B3GALT1: variants seen among roughly 807,000 people sequenced by gnomAD.
B3GALT1 encodes beta-1,3-galactosyltransferase 1, also known as UDP-Gal:betaGlcNAc beta 1,3-galactosyltransferase, polypeptide 1.
B3GALT1 carries 10 observed loss-of-function variants against 23.2 expected under a neutral mutation model. That is an observed-to-expected ratio of 0.43 (90% CI 0.27 to 0.73). The LOEUF (loss-of-function observed/expected upper bound fraction) is 0.73. Among genes scored for constraint, B3GALT1 ranks in the 30% least tolerant of loss-of-function variants. The pLI is 0.21. For synonymous variants in B3GALT1, 156 were observed against 141.5 expected (o/e 1.10, Z -0.73); for missense variants, 299 against 405.4 (o/e 0.74, Z 2.25).
intron 2 of B3GALT1, among the ~76,000 whole-genome samples, chr2:167,501,545 AC>A (rs1412223148): frequency 6.6e-6 from 1 of 151,888 alleles, no homozygotes; most frequent in African/African-American, 2.4e-5. Context: ...CAAGATAAAA[AC>A]AATACATTTT....
At chr2:167,820,792 A>G (rs1026067753) in intron 4 of B3GALT1, among the ~76,000 whole-genome samples, 9 of 152,384 alleles carry the variant, frequency 5.9e-5, no homozygotes, top group Non-Finnish European at 1.0e-4. Context: ...AAAGATAGCC[A>G]TTATGGCTGG....
intron 2 of B3GALT1, among the ~76,000 whole-genome samples, chr2:167,610,161 G>A (rs940553174): frequency 2.0e-5 from 3 of 152,100 alleles, no homozygotes; most frequent in African/African-American, 4.8e-5. Flanking sequence ...AAGGTTAGTC[G>A]TAAGAAAGAC....
intron 2 of B3GALT1, among the ~76,000 whole-genome samples, chr2:167,594,133 G>A (rs755424991): frequency 2.0e-5 from 3 of 152,140 alleles, no homozygotes; most frequent in Non-Finnish European, 4.4e-5. Flanking sequence ...GAAGAATAGG[G>A]TGCAATATAT....
intron 3 of B3GALT1, among the ~76,000 whole-genome samples, chr2:167,775,096 T>A (rs1313465386): frequency 1.3e-5 from 2 of 152,172 alleles, no homozygotes; most frequent in African/African-American, 4.8e-5. Flanking sequence ...TTTCTAGAAC[T>A]CTATAAGAAG....
At chr2:167,402,684 G>A (rs1698212574) in intron 1 of B3GALT1, among the ~76,000 whole-genome samples, 2 of 152,102 alleles carry the variant, frequency 1.3e-5, no homozygotes, top group Admixed American at 6.6e-5. Context: ...CAACCAGTAA[G>A]CAGCAAACTT....
chr2:167,567,963 A>G (rs1330605400), intron 2 of B3GALT1, among the ~76,000 whole-genome samples: 2 of 152,106 alleles, frequency 1.3e-5, no homozygotes, highest in African/African-American at 4.8e-5. Flanking sequence ...CCAGAATGTC[A>G]TATAATTGGA....
chr2:167,626,791 ATATAG>A (rs1297093669), intron 2 of B3GALT1, among the ~76,000 whole-genome samples: 2 of 151,802 alleles, frequency 1.3e-5, no homozygotes, highest in African/African-American at 2.4e-5. Flanking sequence ...AACCAAATAC[ATATAG>A]TAAATATTCA....
At chr2:167,614,602 A>G (rs1172755766) in intron 2 of B3GALT1, among the ~76,000 whole-genome samples, 1 of 151,988 alleles carries the variant, frequency 6.6e-6, no homozygotes, top group East Asian at 1.9e-4. Flanking sequence ...AGATAAATGC[A>G]AGTAGGCTCA....
At chr2:167,687,374 G>C (rs796894755) in intron 3 of B3GALT1, among the ~76,000 whole-genome samples, 6 of 152,248 alleles carry the variant, frequency 3.9e-5, no homozygotes, top group African/African-American at 1.4e-4. Context: ...ATAAGCTAAA[G>C]GGTTTGGTAG....
At position 167,872,067 on chromosome 2, in the gene B3GALT1, A is replaced by G. The variant is rs944336790; in HGVS notation, c.*2047A>G. On this transcript the variant is annotated 3_prime_UTR_variant, in exon 5 of 5. Coordinates refer to ENST00000392690, the MANE Select transcript of B3GALT1 (RefSeq NM_020981.4). ...CAGGCGCCCGCCATCACGCCCGGCT[A>G]ATTTTTTTGTATTTTTAGTAGAGAC... 7.3e-5 allele frequency: 11 copies of G among 150,890 alleles called. No homozygotes were observed. Among genetic ancestry groups the G allele is most frequent in the Admixed American group, 5.9e-4 (9 of 15,136 alleles). 9.3% of individuals were successfully genotyped at this position (150,890 alleles called of 1,614,324 possible).
chr2:167,634,125 G>T (rs1051121694), intron 2 of B3GALT1, among the ~76,000 whole-genome samples: 4 of 152,074 alleles, frequency 2.6e-5, no homozygotes, highest in African/African-American at 9.7e-5. Flanking sequence ...AATTAAGGCA[G>T]AAATAAATAA....
intron 4 of B3GALT1, among the ~76,000 whole-genome samples, chr2:167,856,102 T>G (rs1038217896): frequency 5.3e-5 from 8 of 152,164 alleles, no homozygotes; most frequent in African/African-American, 1.7e-4. Context: ...AACACATCTA[T>G]GTCGATGAAC....
chr2:167,674,786 T>C (rs972149670), intron 3 of B3GALT1, among the ~76,000 whole-genome samples: 2 of 152,208 alleles, frequency 1.3e-5, no homozygotes, highest in Non-Finnish European at 1.5e-5. Context: ...AGAATTTGGA[T>C]TCTGACTATT....
chr2:167,639,702 A>T lies in B3GALT1; in HGVS notation c.-409-7207A>T, dbSNP rs62196706. Among the ~76,000 whole-genome samples, 4 of 152,202 alleles carry T rather than the reference A, an allele frequency of 2.6e-5. No individual in the cohort carries two copies. The South Asian group carries it at 8.3e-4, about 32-fold the overall frequency. On this transcript the variant is annotated intron_variant, in intron 2 of 4. Transcript: ENST00000392690. ...AGTAACCTTGAAGCACCAATACACTAAATTTTTTTTTCTTTTGGTCTATCT... is the reference window on the plus strand; with the variant it reads ...AGTAACCTTGAAGCACCAATACACTTAATTTTTTTTTCTTTTGGTCTATCT...
At chr2:167,529,530 A>G (rs1187435442) in intron 2 of B3GALT1, among the ~76,000 whole-genome samples, 3 of 146,800 alleles carry the variant, frequency 2.0e-5, no homozygotes, top group Non-Finnish European at 4.5e-5. Flanking sequence ...TGAGATGGGG[A>G]CAGCTGATAG....
chr2:167,588,187 C>A (rs1684612887), intron 2 of B3GALT1, among the ~76,000 whole-genome samples: 1 of 152,162 alleles, frequency 6.6e-6, no homozygotes, highest in African/African-American at 2.4e-5. Context: ...TTATTTCCAA[C>A]TAGGGCTTCT....
At chr2:167,720,764 T>C (rs577396707) in intron 3 of B3GALT1, among the ~76,000 whole-genome samples, 2 of 152,332 alleles carry the variant, frequency 1.3e-5, no homozygotes, top group East Asian at 3.9e-4. Flanking sequence ...CTGCTACACA[T>C]TGATGCTCTT....
At chr2:167,366,875 T>C (rs1697594693) in intron 1 of B3GALT1, among the ~76,000 whole-genome samples, 1 of 152,232 alleles carries the variant, frequency 6.6e-6, no homozygotes, top group Admixed American at 6.5e-5. Context: ...CTCAGGGCAG[T>C]TGGACTTCTG....
At chr2:167,398,637 T>C (rs1251644936) in intron 1 of B3GALT1, among the ~76,000 whole-genome samples, 1 of 152,134 alleles carries the variant, frequency 6.6e-6, no homozygotes, top group Non-Finnish European at 1.5e-5. Flanking sequence ...TAACAGTTCA[T>C]GAGAGGAATA....
Sources: allele counts gnomAD v4.1 joint callset (sites outside exome capture counted in the v4.1 genomes callset), GRCh38; gene constraint gnomAD v4.1.1; transcripts MANE v1.5; gene names NCBI Gene and HGNC (gene_info 2026-07-23, HGNC 2026-07-21).